WWP1: variants seen among roughly 807,000 people sequenced by gnomAD.
The protein encoded by WWP1 is WW domain containing E3 ubiquitin protein ligase 1, also known as NEDD4-like E3 ubiquitin-protein ligase WWP1.
WWP1 carries 49 observed loss-of-function variants against 130.6 expected under a neutral mutation model. The observed-to-expected ratio is 0.38, with a 90% CI of 0.30 to 0.48. WWP1 has a LOEUF of 0.48. WWP1 is among the 20% of genes least tolerant of loss of function. The pLI is 0.99. For synonymous variants in WWP1, 332 were observed against 367.8 expected, an observed-to-expected ratio of 0.90 and a Z score of 1.11; for missense variants, 809 against 1,100.6, an observed-to-expected ratio of 0.74 and a Z score of 3.75.
chr8:86,402,128 C>T lies in WWP1; in HGVS notation c.649C>T (p.Pro217Ser), dbSNP rs765961795. Residue 217 changes from proline to serine, a missense_variant, in exon 8 of 25, where the codon CCG (proline) becomes TCG (serine). By Grantham distance (74) the Pro-to-Ser change is moderately conservative. Around this residue, in one of 3 missense-constraint regions of WWP1, gnomAD observed 262 missense variants for 346.0 expected, o/e 0.76. Coordinates refer to ENST00000517970, the MANE Select transcript of WWP1 (RefSeq NM_007013.4). ...TAATGGAGACAACACACCTTCATCT[C>T]CGTCTCAGGTTGCTGCCAGACCCAA... Reference protein sequence around the residue: ...VVNGDNTPSSPSQVAARPKNT... With the variant: ...VVNGDNTPSSSSQVAARPKNT... The T allele has an allele frequency of 4.3e-6, 7 of 1,613,988 alleles. No individual in the cohort carries two copies. The East Asian group carries it at 6.7e-5, about 15-fold the overall frequency.
intron 23 of WWP1, 129 bp from the exon 24 acceptor site, chr8:86,461,645 G>A: frequency 2.6e-6 from 2 of 760,438 alleles, no homozygotes; most frequent in East Asian, 2.5e-5. Flanking sequence ...GGCAGAAGCA[G>A]CTTACATTGT....
chr8:86,362,148 TATATATATACAAGGC>T (rs1823681753), intron 1 of WWP1, among the ~76,000 whole-genome samples: 3 of 124,714 alleles, frequency 2.4e-5, no homozygotes, highest in Admixed American at 1.8e-4. Context: ...ATACTAGGCA[TATATATATACAAGGC>T]ATATATATAT....
rs1282007934 is a variant in WWP1, at chr8:86,342,611, G to C, written c.-434G>C. ...GTAGCGCGCGGTGCCGGGGCCGGCG[G>C]GGAGGCGCGCGCTTAGGGCGCGGCG... is the stretch of plus-strand genomic sequence containing the variant. On this transcript the variant is annotated 5_prime_UTR_variant, in exon 1 of 25. Coordinates refer to ENST00000517970, the MANE Select transcript of WWP1 (RefSeq NM_007013.4). The C allele has an allele frequency of 5.4e-6, 1 of 184,946 alleles. No individual in the cohort carries two copies. The highest frequency in any genetic ancestry group is 1.1e-5 in the Non-Finnish European group (1 of 91,052). The allele number at this position is 184,946 out of a possible 1,614,324, so 11.5% of individuals were successfully genotyped here.
At chr8:86,348,479 A>G (rs918804253) in intron 1 of WWP1, among the ~76,000 whole-genome samples, 42 of 152,064 alleles carry the variant, frequency 2.8e-4, no homozygotes, top group African/African-American at 9.4e-4. Context: ...CAGCCTCCCA[A>G]AGTATTGGGA....
At chr8:86,356,163 G>A (rs1030135448) in intron 1 of WWP1, among the ~76,000 whole-genome samples, 2 of 67,374 alleles carry the variant, frequency 3.0e-5, no homozygotes, top group Non-Finnish European at 6.5e-5. Context: ...TTCAGGTTCC[G>A]TGTTTTAAGA....
Position 86,430,719 on chromosome 8 carries a change from A to G in WWP1, c.1355A>G (p.Asn452Ser), listed in dbSNP as rs1210747041. The G allele has an allele frequency of 6.3e-7, 1 of 1,581,578 alleles. No homozygotes were observed. The highest frequency in any genetic ancestry group is 1.1e-5 in the South Asian group (1 of 88,056). ...CAGGCTTCAATGTTAGCTGCAGAAA[A>G]TGACCCTTATGGACCTTTGCCACCA... ...LYSASMLAAE[N>S]DPYGPLPPGW... is the part of the protein sequence containing the mutation. Residue 452 changes from asparagine (N) to serine (S), a missense_variant, in exon 12 of 25, where the codon AAT becomes AGT. Physicochemically the swap from Asn to Ser is conservative, Grantham distance 46 (BLOSUM62 1). Coordinates refer to ENST00000517970, the MANE Select transcript of WWP1 (RefSeq NM_007013.4).
intron 24 of WWP1, among the ~76,000 whole-genome samples, 163 bp from the exon 25 acceptor site, chr8:86,466,631 T>C (rs1812171061): frequency 6.6e-6 from 1 of 152,144 alleles, no homozygotes; most frequent in African/African-American, 2.4e-5. Flanking sequence ...ATAGTTTTTA[T>C]ATGTAAGTCT....
At chr8:86,447,980 T>G (rs1404626096) in intron 18 of WWP1, among the ~76,000 whole-genome samples, 168 bp from the exon 19 acceptor site, 1 of 152,182 alleles carries the variant, frequency 6.6e-6, no homozygotes, top group Non-Finnish European at 1.5e-5. Context: ...TTAACTTTGT[T>G]TTTCATACCT....
At chr8:86,351,641 A>G (rs1307158640) in intron 1 of WWP1, among the ~76,000 whole-genome samples, 2 of 152,074 alleles carry the variant, frequency 1.3e-5, no homozygotes, top group African/African-American at 2.4e-5. Flanking sequence ...AATAAACAAA[A>G]AAAAAGTTGC....
At chr8:86,402,281 C>T in intron 8 of WWP1, 78 bp downstream of exon 8, 1 of 1,469,580 alleles carries the variant, frequency 6.8e-7, no homozygotes. Context: ...CCTACACTTC[C>T]CTTTTTGTGT....
chr8:86,361,916 T>C (rs1823623908), intron 1 of WWP1, among the ~76,000 whole-genome samples: 1 of 151,004 alleles, frequency 6.6e-6, no homozygotes, highest in Non-Finnish European at 1.5e-5. Context: ...ATATTTTATA[T>C]GGCTTTTATA....
At chr8:86,437,475 G>A (rs1810353488) in intron 16 of WWP1, among the ~76,000 whole-genome samples, 1 of 152,134 alleles carries the variant, frequency 6.6e-6, no homozygotes, top group Admixed American at 6.6e-5. Context: ...GGAAGATTTT[G>A]GTACAGTTTG....
At chr8:86,378,968 G>A (rs1430718248) in intron 3 of WWP1, among the ~76,000 whole-genome samples, 5 of 152,132 alleles carry the variant, frequency 3.3e-5, no homozygotes, top group African/African-American at 1.2e-4. Flanking sequence ...AGTAAGGGAT[G>A]GAGAAATTAA....
intron 2 of WWP1, among the ~76,000 whole-genome samples, chr8:86,371,526 T>TA (rs1205467956): frequency 2.0e-5 from 3 of 152,246 alleles, no homozygotes; most frequent in Non-Finnish European, 4.4e-5. Context: ...TCCTAGTTTT[T>TA]ACCATTCTAA....
chr8:86,394,351 C>T (rs1807526787), intron 5 of WWP1, among the ~76,000 whole-genome samples: 1 of 152,176 alleles, frequency 6.6e-6, no homozygotes, highest in Non-Finnish European at 1.5e-5. Context: ...TTCTGCCTTA[C>T]AAGAGTAAGT....
chr8:86,431,761 G>C lies in WWP1; in HGVS notation c.1601+18G>C, dbSNP rs1586445510. ...TCATCTGTGTGAGTGAAAACCTGAA[G>C]TTCTCCTTTAAATATTGCTTAGTGA... On this transcript the variant is annotated intron_variant, in intron 14 of 24. Transcript: ENST00000517970. The C allele has an allele frequency of 6.2e-7, 1 of 1,612,702 alleles. No homozygotes were observed.
At chr8:86,427,861 G>T in intron 11 of WWP1, 44 bp downstream of exon 11, 1 of 1,545,888 alleles carries the variant, frequency 6.5e-7, no homozygotes, top group Non-Finnish European at 8.7e-7. Flanking sequence ...TCCTCCCTCA[G>T]GTGTTTCTTT....
intron 8 of WWP1, among the ~76,000 whole-genome samples, chr8:86,410,729 G>T (rs1324827641): frequency 6.2e-5 from 9 of 145,378 alleles, no homozygotes; most frequent in Non-Finnish European, 7.5e-5. Flanking sequence ...TCTGTATCTG[G>T]AATGAATTCT....
chr8:86,370,482 T>C (rs1382745430), intron 2 of WWP1, among the ~76,000 whole-genome samples: 1 of 152,190 alleles, frequency 6.6e-6, no homozygotes, highest in Non-Finnish European at 1.5e-5. Context: ...TGACAGCTTG[T>C]TATTTGTTGG....
Sources: gnomAD v4.1 joint callset for allele counts (sites outside exome capture counted in the v4.1 genomes callset) on GRCh38, gnomAD v4.1.1 for gene constraint, gnomAD v4.1.1 regional missense constraint, MANE v1.5 for transcripts, NCBI Gene and HGNC (gene_info 2026-07-23, HGNC 2026-07-21) for gene names.